The following ZDHHC16 variants were observed in gnomAD, a reference collection of about 807,000 sequenced individuals.
The protein encoded by ZDHHC16 is palmitoyltransferase ZDHHC16.
ZDHHC16 carries 33 observed loss-of-function variants against 54.4 expected under a neutral mutation model. The ratio of observed to expected loss-of-function variants is 0.61; its 90% CI spans 0.46 to 0.81. The LOEUF (loss-of-function observed/expected upper bound fraction) is 0.81. ZDHHC16 is among the 30% of genes least tolerant of loss of function. The pLI is 0.00. For synonymous variants in ZDHHC16, 185 were observed against 182.1 expected, an observed-to-expected ratio of 1.02 and a Z score of -0.13; for missense variants, 420 against 485.9, an observed-to-expected ratio of 0.86 and a Z score of 1.28.
chr10:97,457,065 C>A lies in ZDHHC16; in HGVS notation c.*174C>A, dbSNP rs990787420. 6 of 436,768 alleles carry A rather than the reference C, an allele frequency of 1.4e-5. No individual in the cohort carries two copies. The Admixed American group carries it at 1.9e-4, about 14-fold the overall frequency. The allele number at this position is 436,768 out of a possible 1,614,324, so 27.1% of individuals were successfully genotyped here. A position where few individuals can be genotyped will look rare whatever the true frequency, so the allele number is the denominator to read the frequency against. ...CCTTTTTACCACTGCAGAAGAAAGA[C>A]ACAATGTGGAGAAATCTTAGGACTG... On this transcript the variant is annotated 3_prime_UTR_variant, in exon 12 of 12. Transcript: ENST00000393760.
intron 11 of ZDHHC16, 54 bp from the exon 12 acceptor site, chr10:97,456,723 T>C (rs1297695405): frequency 1.6e-5 from 22 of 1,343,984 alleles, no homozygotes; most frequent in Middle Eastern, 1.8e-4. Flanking sequence ...GGAATGATGA[T>C]TGGGAAGGAC....
In ZDHHC16 at chr10:97,452,944, C is replaced by G. The variant is rs757643914; in HGVS notation, c.556+21C>G. 20 of 1,614,196 alleles carry G rather than the reference C, an allele frequency of 1.2e-5. No homozygotes were observed. The South Asian group carries it at 2.0e-4, about 16-fold the overall frequency. On this transcript the variant is annotated intron_variant, in intron 6 of 11. Coordinates refer to ENST00000393760, the MANE Select transcript of ZDHHC16 (RefSeq NM_198046.3). ...CTGCCGTATCCTTTTGCTTTCTCTT[C>G]TGCCTGAGGCCTTCTTTAGCTCCAG...
Position 97,455,081 on chromosome 10 carries a change from CTG to C in ZDHHC16, c.824+284_824+285del, listed in dbSNP as rs1847039981. The stretch of plus-strand genomic sequence containing the variant: ...TAGCACCTGTCTAAAGGCTGGGTGA[CTG>C]TATTTATAGATGAGGAAAACTGAAA... On this transcript the variant is annotated intron_variant, in intron 9 of 11. Coordinates refer to ENST00000393760, the MANE Select transcript of ZDHHC16 (RefSeq NM_198046.3). Among the ~76,000 whole-genome samples the C allele has an allele frequency of 2.0e-5, 3 of 152,168 alleles. No individual in the cohort carries two copies. The South Asian group carries it at 6.2e-4, about 31-fold the overall frequency.
rs762472912 is a variant in ZDHHC16 at position 97,456,900 on chromosome 10, G to T, written c.*9G>T. 8 of 1,596,482 alleles carry T rather than the reference G, an allele frequency of 5.0e-6. No individual in the cohort carries two copies. Among genetic ancestry groups the T allele is most frequent in the Non-Finnish European group, 6.8e-6 (8 of 1,169,416 alleles). On this transcript the variant is annotated 3_prime_UTR_variant, in exon 12 of 12. Transcript: ENST00000393760. ...CTGTGATGGCAGTGTGAGCTGGACT[G>T]TGTCAGCCACGACTCGAGCACTCAT...
chr10:97,447,501 G>A (rs1187873480), intron 1 of ZDHHC16, among the ~76,000 whole-genome samples: 2 of 152,234 alleles, frequency 1.3e-5, no homozygotes, highest in Non-Finnish European at 2.9e-5. Flanking sequence ...AAGGATCAGA[G>A]TACTCGGGCT....
chr10:97,452,469 C>G lies in ZDHHC16; in HGVS notation c.493C>G (p.Pro165Ala), dbSNP rs1846735619. The G allele has an allele frequency of 6.2e-7, 1 of 1,614,118 alleles. No individual in the cohort carries two copies. The highest frequency in any genetic ancestry group is 8.5e-7 in the Non-Finnish European group (1 of 1,180,042). The change falls in exon 5 of 12, where the codon CCA becomes GCA. Residue 165 changes from proline to alanine, a missense_variant. Transcript: ENST00000393760. ...CTGTAAGAAGTGCATTTACCCCAAGCCAGCCCGAACACACCACTGCAGCAT... is the reference window on the plus strand; with the variant it reads ...CTGTAAGAAGTGCATTTACCCCAAGGCAGCCCGAACACACCACTGCAGCAT... The part of the protein sequence containing the change: ...SICKKCIYPK[P>A]ARTHHCSICN...
At position 97,452,344 on chromosome 10, in the gene ZDHHC16, G is replaced by C; in HGVS notation, c.438+60G>C. 16 of 1,611,302 alleles carry C rather than the reference G, an allele frequency of 9.9e-6. No individual in the cohort carries two copies. The South Asian group carries it at 1.8e-4, about 18-fold the overall frequency. ...GGCTATGGGAGCTGGTCCCAGGAGT[G>C]GGGAGAGTATCTTGGTATAGTTTTG... On this transcript the variant is annotated intron_variant, in intron 4 of 11. Coordinates refer to ENST00000393760, the MANE Select transcript of ZDHHC16 (RefSeq NM_198046.3).
At chr10:97,451,955 TG>T (rs757264881) in intron 3 of ZDHHC16, 37 bp downstream of exon 3, 16 of 1,593,676 alleles carry the variant, frequency 1.0e-5, no homozygotes, top group Non-Finnish European at 1.3e-5. Flanking sequence ...AGGGGTGTTG[TG>T]GGGAGCAGAG....
intron 8 of ZDHHC16, among the ~76,000 whole-genome samples, chr10:97,454,395 C>T (rs1846967116): frequency 6.6e-6 from 1 of 152,240 alleles, no homozygotes. Context: ...GGGGATGCAG[C>T]TGTGCAGTGA....
chr10:97,446,298 C>A lies in ZDHHC16; in HGVS notation c.-241C>A. On this transcript the variant is annotated 5_prime_UTR_variant, in exon 1 of 12. Coordinates refer to ENST00000393760, the MANE Select transcript of ZDHHC16 (RefSeq NM_198046.3). ...CCGAGTCGGAGGGGGTGGCAGTGAG[C>A]GGCGGCAGAGGCTACGGGGCTCGGT... 2.0e-6 allele frequency: 1 copy of A among 488,492 alleles called. No homozygotes were observed. Among genetic ancestry groups the A allele is most frequent in the South Asian group, 2.2e-5 (1 of 45,356 alleles). The allele number at this position is 488,492 out of a possible 1,614,324, so 30.3% of individuals were successfully genotyped here.
chr10:97,452,616 G>T, intron 5 of ZDHHC16, 113 bp downstream of exon 5: 1 of 1,183,882 alleles, frequency 8.4e-7, no homozygotes, highest in Non-Finnish European at 1.2e-6. Context: ...TCGTGTCCCA[G>T]GTGATGTGCC....
Position 97,455,864 on chromosome 10 carries a change from G to A in ZDHHC16, c.948+81G>A, listed in dbSNP as rs558746478. The A allele has an allele frequency of 9.4e-6, 15 of 1,602,344 alleles. No homozygotes were observed. In the African/African-American group the frequency reaches 1.3e-4, roughly 14 times the overall value. On this transcript the variant is annotated intron_variant, in intron 10 of 11. Transcript: ENST00000393760. The stretch of plus-strand genomic sequence containing the variant: ...GTAAACAGAGGCCATGGGCAGGGCT[G>A]ACTAGGGCAAGCATTGTAAAAGGCC...
intron 9 of ZDHHC16, 83 bp downstream of exon 9, chr10:97,454,882 T>G: frequency 8.3e-7 from 1 of 1,207,858 alleles, no homozygotes; most frequent in South Asian, 1.3e-5. Flanking sequence ...AGAAACCCAT[T>G]CCTAAGTGAA....
At position 97,457,178 on chromosome 10, in the gene ZDHHC16, AC is replaced by A. The variant is rs1181571798; in HGVS notation, c.*289del. On this transcript the variant is annotated 3_prime_UTR_variant, in exon 12 of 12. Coordinates refer to ENST00000393760, the MANE Select transcript of ZDHHC16 (RefSeq NM_198046.3). ...CCTACCTTGCCCAGTGCTGACCCGG[AC>A]CTCCTCCAGGATACAGCACTGGAGT... 4.9e-6 allele frequency: 1 copy of A among 202,740 alleles called. No individual in the cohort carries two copies. Among genetic ancestry groups the A allele is most frequent in the Non-Finnish European group, 1.0e-5 (1 of 100,194 alleles). 12.6% of individuals were successfully genotyped at this position (202,740 alleles called of 1,614,324 possible).
intron 1 of ZDHHC16, among the ~76,000 whole-genome samples, chr10:97,448,635 T>A (rs548674499): frequency 2.6e-5 from 4 of 152,278 alleles, no homozygotes; most frequent in African/African-American, 9.6e-5. Flanking sequence ...CAGGTGCCTG[T>A]AATCCCAGCT....
chr10:97,454,344 T>C (rs942502341), intron 8 of ZDHHC16, among the ~76,000 whole-genome samples: 5 of 152,138 alleles, frequency 3.3e-5, no homozygotes, highest in African/African-American at 1.2e-4. Flanking sequence ...TTTTCCCCAC[T>C]CCAGTCAGTC....
chr10:97,456,680 T>C (rs954282704), intron 11 of ZDHHC16, 97 bp from the exon 12 acceptor site: 1 of 790,512 alleles, frequency 1.3e-6, no homozygotes. Flanking sequence ...GACACCGAGG[T>C]AGCTTCAGGA....
At chr10:97,455,532 A>C in intron 9 of ZDHHC16, 128 bp from the exon 10 acceptor site, 1 of 1,463,330 alleles carries the variant, frequency 6.8e-7, no homozygotes, top group South Asian at 1.2e-5. Flanking sequence ...TCTAGGATAT[A>C]TGGTGGGAGG....
intron 6 of ZDHHC16, 85 bp from the exon 7 acceptor site, chr10:97,453,443 ATT>A: frequency 6.5e-7 from 1 of 1,538,444 alleles, no homozygotes; most frequent in African/African-American, 1.4e-5. Context: ...CTTGGGTGAT[ATT>A]GTCAGGAACC....
Sources: gnomAD v4.1 joint callset for allele counts (sites outside exome capture counted in the v4.1 genomes callset) on GRCh38, gnomAD v4.1.1 for gene constraint, MANE v1.5 for transcripts, NCBI Gene and HGNC (gene_info 2026-07-23, HGNC 2026-07-21) for gene names.